The following RAB3C variants were observed in gnomAD, a reference collection of about 807,000 sequenced individuals.
The protein encoded by RAB3C is RAB3C, member RAS oncogene family, also known as ras-related protein Rab-3C.
A neutral mutation model predicts 26.4 loss-of-function variants in RAB3C; 17 were observed. That is an observed-to-expected ratio of 0.64 (90% CI 0.44 to 0.97). The LOEUF is 0.97. Ranked by LOEUF, RAB3C falls within the 50% of genes least tolerant of loss-of-function variation. RAB3C has a pLI of 0.00. For missense variants in RAB3C, 242 were observed against 281.9 expected, an observed-to-expected ratio of 0.86 and a Z score of 1.01; for synonymous variants, 91 against 95.9, an observed-to-expected ratio of 0.95 and a Z score of 0.30.
At chr5:58,811,076 C>G (rs1303638240) in intron 3 of RAB3C, among the ~76,000 whole-genome samples, 1 of 152,154 alleles carries the variant, frequency 6.6e-6, no homozygotes, top group African/African-American at 2.4e-5. Context: ...TTTAATGAAC[C>G]ACTTCTCCAC....
chr5:58,730,540 G>C (rs1368679683), intron 3 of RAB3C, among the ~76,000 whole-genome samples: 6 of 152,036 alleles, frequency 3.9e-5, no homozygotes, highest in Non-Finnish European at 8.8e-5. Context: ...TCCAAGTGCT[G>C]ATCTTAAGTG....
chr5:58,583,475 A>T (rs1370313065), intron 1 of RAB3C, among the ~76,000 whole-genome samples: 1 of 152,094 alleles, frequency 6.6e-6, no homozygotes, highest in African/African-American at 2.4e-5. Context: ...AGAGGATAAG[A>T]GTGTCTGTCT....
At chr5:58,821,980 G>C (rs1743351617) in intron 3 of RAB3C, among the ~76,000 whole-genome samples, 1 of 146,744 alleles carries the variant, frequency 6.8e-6, no homozygotes, top group Non-Finnish European at 1.5e-5. Context: ...TTTACTTTTT[G>C]ACATGTTACA....
At chr5:58,626,615 T>C (rs923724469) in intron 2 of RAB3C, among the ~76,000 whole-genome samples, 1 of 152,202 alleles carries the variant, frequency 6.6e-6, no homozygotes, top group Non-Finnish European at 1.5e-5. Flanking sequence ...ATGCCAGTGT[T>C]TTCATCTGTA....
intron 4 of RAB3C, among the ~76,000 whole-genome samples, chr5:58,829,739 C>T (rs542966928): frequency 3.4e-4 from 52 of 152,126 alleles, no homozygotes; most frequent in Non-Finnish European, 6.2e-4. Flanking sequence ...TCTGAACATA[C>T]GTATTACCAA....
chr5:58,853,158 T>C lies in RAB3C; in HGVS notation c.*1807T>C, dbSNP rs971918838. On this transcript the variant is annotated 3_prime_UTR_variant, in exon 5 of 5. Transcript: ENST00000282878. Reference sequence around the variant, plus strand: ...TAAAGACAAGAAAACATTAATGTTTTATTAGTTTTTAATGGGGCAACCAAC... The same window carrying C: ...TAAAGACAAGAAAACATTAATGTTTCATTAGTTTTTAATGGGGCAACCAAC... The C allele has an allele frequency of 6.6e-6, 1 of 152,186 alleles. No individual in the cohort carries two copies. The allele number at this position is 152,186 out of a possible 1,614,324, so 9.4% of individuals were successfully genotyped here.
chr5:58,683,188 A>G (rs1748381558), intron 2 of RAB3C, among the ~76,000 whole-genome samples: 1 of 152,200 alleles, frequency 6.6e-6, no homozygotes. Context: ...CACCATGTAT[A>G]TCTCTTTGCA....
intron 3 of RAB3C, chr5:58,784,923 T>C (rs1382330489): frequency 6.6e-6 from 1 of 152,208 alleles, no homozygotes; most frequent in Non-Finnish European, 1.5e-5. Flanking sequence ...GTGTCTGGTG[T>C]GTATCCCACA....
At chr5:58,623,646 T>G (rs1177401727) in intron 2 of RAB3C, among the ~76,000 whole-genome samples, 1 of 152,200 alleles carries the variant, frequency 6.6e-6, no homozygotes, top group African/African-American at 2.4e-5. Flanking sequence ...AGCTCCTACA[T>G]CCCACTGTGT....
intron 1 of RAB3C, 82 bp downstream of exon 1, chr5:58,583,314 G>A: frequency 6.3e-7 from 1 of 1,599,196 alleles, no homozygotes. Context: ...GCAGTTCAAC[G>A]TAAGGAAAGG....
intron 4 of RAB3C, among the ~76,000 whole-genome samples, chr5:58,835,672 A>G: frequency 6.6e-6 from 1 of 152,206 alleles, no homozygotes; most frequent in African/African-American, 2.4e-5. Flanking sequence ...TTTAAAAATT[A>G]ATCCAGGTCC....
intron 4 of RAB3C, among the ~76,000 whole-genome samples, chr5:58,838,984 T>G (rs1178134178): frequency 9.4e-6 from 1 of 106,108 alleles, no homozygotes; most frequent in Non-Finnish European, 2.1e-5. Flanking sequence ...GCTTTTGACT[T>G]GAAGCATTTT....
intron 2 of RAB3C, among the ~76,000 whole-genome samples, chr5:58,673,569 G>T (rs920569917): frequency 6.6e-6 from 1 of 151,536 alleles, no homozygotes; most frequent in Non-Finnish European, 1.5e-5. Flanking sequence ...CAACTAAAAA[G>T]ACATCATACA....
At chr5:58,591,145 G>T (rs1412213110) in intron 1 of RAB3C, among the ~76,000 whole-genome samples, 1 of 152,086 alleles carries the variant, frequency 6.6e-6, no homozygotes, top group African/African-American at 2.4e-5. Flanking sequence ...TAAAATTGTT[G>T]ACTTGTTTTT....
intron 3 of RAB3C, among the ~76,000 whole-genome samples, chr5:58,801,074 T>C (rs1265768368): frequency 6.6e-6 from 1 of 152,128 alleles, no homozygotes; most frequent in East Asian, 1.9e-4. Context: ...CTTGGAAATA[T>C]TACGCTCTTC....
intron 2 of RAB3C, among the ~76,000 whole-genome samples, chr5:58,701,916 C>A (rs73102325): frequency 0.023 from 3,495 of 152,108 alleles, 138 homozygotes; most frequent in African/African-American, 0.08. Flanking sequence ...TATGAAATTC[C>A]TTTGGCCATG....
At chr5:58,636,562 C>G (rs766651996) in intron 2 of RAB3C, among the ~76,000 whole-genome samples, 1 of 152,064 alleles carries the variant, frequency 6.6e-6, no homozygotes, top group Non-Finnish European at 1.5e-5. Flanking sequence ...TATCCCAGTC[C>G]ATCGTTTGGA....
chr5:58,639,466 G>T (rs1381985023), intron 2 of RAB3C, among the ~76,000 whole-genome samples: 4 of 152,110 alleles, frequency 2.6e-5, no homozygotes, highest in Non-Finnish European at 5.9e-5. Flanking sequence ...TCTGGTGAAG[G>T]CTCTCTTCCT....
At chr5:58,753,499 T>C (rs1013709135) in intron 3 of RAB3C, among the ~76,000 whole-genome samples, 2 of 152,172 alleles carry the variant, frequency 1.3e-5, no homozygotes, top group African/African-American at 4.8e-5. Context: ...GAAGTAATCC[T>C]GCACCATAAT....
Sources: allele counts gnomAD v4.1 joint callset (sites outside exome capture counted in the v4.1 genomes callset), GRCh38; gene constraint gnomAD v4.1.1; transcripts MANE v1.5; gene names NCBI Gene and HGNC (gene_info 2026-07-23, HGNC 2026-07-21).